The following HRH1 variants were observed in gnomAD, a reference collection of about 807,000 sequenced individuals.
HRH1 encodes histamine receptor H1, also known as histamine H1 receptor.
A neutral mutation model predicts 10.3 loss-of-function variants in HRH1; 6 were observed. The ratio of observed to expected loss-of-function variants is 0.58; its 90% CI spans 0.32 to 1.15. HRH1 has a LOEUF of 1.15. Ranked by LOEUF, HRH1 falls within the 50% of genes most tolerant of loss-of-function variation. The pLI is 0.05. For synonymous variants in HRH1, 242 were observed against 236.7 expected (o/e 1.02, Z -0.21); for missense variants, 514 against 615.3 (o/e 0.84, Z 1.74).
intron 1 of HRH1, among the ~76,000 whole-genome samples, chr3:11,157,586 G>A (rs894505589): frequency 1.3e-5 from 2 of 152,132 alleles, no homozygotes; most frequent in Non-Finnish European, 2.9e-5. Flanking sequence ...CATACTCTTC[G>A]GGAGCAATGC....
chr3:11,161,811 A>G (rs530686106), intron 1 of HRH1, among the ~76,000 whole-genome samples: 2 of 151,158 alleles, frequency 1.3e-5, no homozygotes, highest in Non-Finnish European at 3.0e-5. Context: ...AGCCTTGAAA[A>G]CCTCCATTAA....
chr3:11,248,887 G>A (rs1409352032), intron 1 of HRH1, among the ~76,000 whole-genome samples: 1 of 152,222 alleles, frequency 6.6e-6, no homozygotes, highest in Admixed American at 6.5e-5. Context: ...GACCATCCAA[G>A]TGGGAAGGGG....
At chr3:11,196,395 C>T (rs1229152760) in intron 1 of HRH1, among the ~76,000 whole-genome samples, 3 of 152,122 alleles carry the variant, frequency 2.0e-5, no homozygotes, top group African/African-American at 4.8e-5. Context: ...TACATTTGTC[C>T]GTGTGATTCC....
Position 11,259,402 on chromosome 3 carries a change from G to A in HRH1, c.365G>A (p.Cys122Tyr). 1 of 1,613,884 alleles carries A rather than the reference G, an allele frequency of 6.2e-7. No homozygotes were observed. Among genetic ancestry groups the A allele is most frequent in the East Asian group, 2.2e-5 (1 of 44,866 alleles). ...TASIFSVFIL[C>Y]IDRYRSVQQP... ...TCCATTTTCAGTGTCTTCATCCTGT[G>A]CATTGATCGCTACCGCTCTGTCCAG... Residue 122 changes from cysteine (C) to tyrosine (Y), a missense_variant, in exon 2 of 2, where the codon TGC becomes TAC. Cys to Tyr is a radical substitution (Grantham distance 194). Coordinates refer to ENST00000431010, the MANE Select transcript of HRH1 (RefSeq NM_001098212.2). This position sits in a 1 kb window ranked among gnomAD's most constrained non-coding sequence, Gnocchi z 4.6.
At chr3:11,224,434 A>G (rs1938814158) in intron 1 of HRH1, among the ~76,000 whole-genome samples, 1 of 152,172 alleles carries the variant, frequency 6.6e-6, no homozygotes, top group African/African-American at 2.4e-5. Context: ...GCGGTGGCTC[A>G]CGCCTGTAAT....
chr3:11,171,123 C>T (rs1162366748), intron 1 of HRH1, among the ~76,000 whole-genome samples: 4 of 142,210 alleles, frequency 2.8e-5, no homozygotes, highest in Admixed American at 7.0e-5. Context: ...TTTTTCTTTT[C>T]TTTTTTTTTT....
chr3:11,231,077 T>C (rs563764242), intron 1 of HRH1, among the ~76,000 whole-genome samples: 85 of 152,354 alleles, frequency 5.6e-4, no homozygotes, highest in African/African-American at 1.9e-3. Context: ...ATTTCAGGAA[T>C]GTTACATAAA....
At position 11,259,044 on chromosome 3, in the gene HRH1, C is replaced by T. The variant is rs1252702713; in HGVS notation, c.7C>T (p.Leu3Phe). MS[L>F]PNSSCLLEDK... ...GGTGGCTGCTCTTGCGCCAATGAGC[C>T]TCCCCAATTCCTCCTGCCTCTTAGA... Residue 3 changes from leucine to phenylalanine, a missense_variant, in exon 2 of 2, where the codon CTC becomes TTC. By Grantham distance (22) the Leu-to-Phe change is conservative. Transcript: ENST00000431010. The surrounding 1 kb of genome is among the most constrained non-coding windows in gnomAD (Gnocchi z 4.6). The T allele has an allele frequency of 5.7e-6, 9 of 1,590,372 alleles. No individual in the cohort carries two copies. Among genetic ancestry groups the T allele is most frequent in the Admixed American group, 1.8e-5 (1 of 56,312 alleles).
At chr3:11,224,649 G>A (rs1255139796) in intron 1 of HRH1, among the ~76,000 whole-genome samples, 7 of 151,108 alleles carry the variant, frequency 4.6e-5, no homozygotes, top group African/African-American at 1.5e-4. Flanking sequence ...GCAGCGAGCC[G>A]AGTATGCGCC....
At position 11,190,672 on chromosome 3, in the gene HRH1, C is replaced by T. The variant is rs533264326; in HGVS notation, c.-36+36118C>T. On this transcript the variant is annotated intron_variant, in intron 1 of 1. Transcript: ENST00000431010. ...TCTCCCAAAGTGCTGGGATTACAGG[C>T]GTGAGCCAGCGCAACCGGCTAAAAA... Among the ~76,000 whole-genome samples the T allele has an allele frequency of 1.1e-4, 17 of 151,972 alleles. No individual in the cohort carries two copies. In the East Asian group the frequency reaches 2.9e-3, roughly 26 times the overall value.
chr3:11,140,650 G>A (rs991151673), intron 1 of HRH1, among the ~76,000 whole-genome samples: 1 of 152,046 alleles, frequency 6.6e-6, no homozygotes, highest in Non-Finnish European at 1.5e-5. Context: ...CCTACCTCCT[G>A]TCATACCCTT....
At chr3:11,244,186 CTCA>C (rs1391964825) in intron 1 of HRH1, among the ~76,000 whole-genome samples, 1 of 152,164 alleles carries the variant, frequency 6.6e-6, no homozygotes, top group Non-Finnish European at 1.5e-5. Context: ...TTAAGCACTA[CTCA>C]TCATATCCAC....
At position 11,261,446 on chromosome 3, in the gene HRH1, G is replaced by C. The variant is rs1441772301; in HGVS notation, c.*945G>C. The C allele has an allele frequency of 6.0e-6, 1 of 167,036 alleles. No individual in the cohort carries two copies. The highest frequency in any genetic ancestry group is 1.5e-5 in the Non-Finnish European group (1 of 68,116). The allele number at this position is 167,036 out of a possible 1,614,324, so 10.3% of individuals were successfully genotyped here. On this transcript the variant is annotated 3_prime_UTR_variant, in exon 2 of 2. Transcript: ENST00000431010. ...AATTGAGGTTCAGCAAGGTGAGAGA[G>C]GTACCCAAGGTCACATAGCTAGTTA...
Position 11,260,310 on chromosome 3 carries a change from A to G in HRH1, c.1273A>G (p.Ile425Val). The G allele has an allele frequency of 1.9e-6, 3 of 1,614,210 alleles. No individual in the cohort carries two copies. Among genetic ancestry groups the G allele is most frequent in the Non-Finnish European group, 2.5e-6 (3 of 1,180,016 alleles). Reference protein sequence around the residue: ...KQLGFIMAAFILCWIPYFIFF... With the variant: ...KQLGFIMAAFVLCWIPYFIFF... ...GTTGGGTTTTATCATGGCAGCCTTC[A>G]TCCTCTGCTGGATCCCTTATTTCAT... The change falls in exon 2 of 2, where the codon ATC becomes GTC. Residue 425 changes from isoleucine to valine, a missense_variant. Ile to Val is a conservative substitution (Grantham distance 29). Transcript: ENST00000431010.
intron 1 of HRH1, among the ~76,000 whole-genome samples, chr3:11,241,209 A>G (rs1474246513): frequency 1.3e-5 from 2 of 152,248 alleles, no homozygotes; most frequent in Non-Finnish European, 2.9e-5. Context: ...TGGTTGATGT[A>G]ACATAACAAA....
intron 1 of HRH1, among the ~76,000 whole-genome samples, chr3:11,178,639 G>C (rs1396265335): frequency 6.6e-6 from 1 of 152,136 alleles, no homozygotes; most frequent in Non-Finnish European, 1.5e-5. Context: ...GACGACTGTT[G>C]AGTCCAGGGG....
chr3:11,230,577 C>T (rs1369102017), intron 1 of HRH1, among the ~76,000 whole-genome samples: 1 of 152,170 alleles, frequency 6.6e-6, no homozygotes, highest in African/African-American at 2.4e-5. Context: ...ATGAGCATCA[C>T]CTGGGAGCTT....
chr3:11,240,159 GA>G (rs1014924712), intron 1 of HRH1, among the ~76,000 whole-genome samples: 3 of 151,974 alleles, frequency 2.0e-5, no homozygotes, highest in African/African-American at 7.3e-5. Context: ...CTTGAGCTGG[GA>G]AAATACCCCA....
chr3:11,245,874 C>T (rs144793186), intron 1 of HRH1, among the ~76,000 whole-genome samples: 14 of 152,102 alleles, frequency 9.2e-5, no homozygotes, highest in African/African-American at 3.1e-4. Context: ...ACTGGCACCC[C>T]GAACTGTTTA....
Sources: allele counts gnomAD v4.1 joint callset (sites outside exome capture counted in the v4.1 genomes callset), GRCh38; gene constraint gnomAD v4.1.1; non-coding constraint Gnocchi (gnomAD v3.1); transcripts MANE v1.5; gene names NCBI Gene and HGNC (gene_info 2026-07-23, HGNC 2026-07-21).